The following IRF2 variants were observed in gnomAD, a reference collection of about 807,000 sequenced individuals.
IRF2 encodes interferon regulatory factor 2.
A neutral mutation model predicts 40.6 loss-of-function variants in IRF2; 15 were observed. The observed-to-expected ratio is 0.37, with a 90% CI of 0.25 to 0.57. IRF2 has a LOEUF of 0.57. Among genes scored for constraint, IRF2 ranks in the 20% least tolerant of loss-of-function variants. The pLI, the probability that IRF2 is intolerant of heterozygous loss-of-function variation, is 0.77. For synonymous variants in IRF2, 151 were observed against 165.5 expected (o/e 0.91, Z 0.67); for missense variants, 317 against 455.7 (o/e 0.70, Z 2.77).
intron 1 of IRF2, among the ~76,000 whole-genome samples, chr4:184,437,100 G>A (rs990969664): frequency 4.6e-5 from 7 of 152,194 alleles, no homozygotes; most frequent in African/African-American, 1.7e-4. Flanking sequence ...CTGTCACCCA[G>A]GCTAGAGTAT....
At chr4:184,390,129 G>A (rs972677489) in intron 8 of IRF2, among the ~76,000 whole-genome samples, 1 of 152,040 alleles carries the variant, frequency 6.6e-6, no homozygotes, top group Non-Finnish European at 1.5e-5. Flanking sequence ...TCACTCAAGC[G>A]CAGACCCCCA....
At chr4:184,435,081 T>C (rs1738029080) in intron 1 of IRF2, among the ~76,000 whole-genome samples, 1 of 152,188 alleles carries the variant, frequency 6.6e-6, no homozygotes, top group Non-Finnish European at 1.5e-5. Context: ...TAGGGTTTTC[T>C]ACAAGTTTTG....
chr4:184,458,674 T>C (rs1265219424), intron 1 of IRF2, among the ~76,000 whole-genome samples: 1 of 152,258 alleles, frequency 6.6e-6, no homozygotes, highest in Non-Finnish European at 1.5e-5. Flanking sequence ...ATTATGCATC[T>C]TCTTCCAATT....
At chr4:184,468,625 A>G (rs540813783) in intron 1 of IRF2, among the ~76,000 whole-genome samples, 1 of 152,322 alleles carries the variant, frequency 6.6e-6, no homozygotes, top group East Asian at 1.9e-4. Flanking sequence ...TAAAATGTGG[A>G]AAGAGGTTTC....
chr4:184,458,092 C>T (rs1739009951), intron 1 of IRF2, among the ~76,000 whole-genome samples: 1 of 152,256 alleles, frequency 6.6e-6, no homozygotes, highest in South Asian at 2.1e-4. Flanking sequence ...TGCTCACCCA[C>T]TGGCCACCAG....
intron 7 of IRF2, 86 bp downstream of exon 7, chr4:184,398,829 C>T (rs780501636): frequency 1.5e-5 from 18 of 1,240,160 alleles, no homozygotes; most frequent in Middle Eastern, 2.8e-4. Flanking sequence ...GAGGGATGCT[C>T]CGTGGGGTGG....
intron 1 of IRF2, among the ~76,000 whole-genome samples, chr4:184,464,115 G>A (rs1339842992): frequency 2.6e-5 from 4 of 152,152 alleles, no homozygotes; most frequent in African/African-American, 9.7e-5. Flanking sequence ...GATAGACAAT[G>A]TACAGCATAT....
chr4:184,470,007 C>A (rs1378936551), intron 1 of IRF2, among the ~76,000 whole-genome samples: 1 of 152,124 alleles, frequency 6.6e-6, no homozygotes, highest in Non-Finnish European at 1.5e-5. Context: ...ATGGAACTTC[C>A]TCACCCACTT....
At chr4:184,442,717 T>C (rs1025606745) in intron 1 of IRF2, among the ~76,000 whole-genome samples, 6 of 151,900 alleles carry the variant, frequency 3.9e-5, no homozygotes, top group African/African-American at 1.5e-4. Context: ...CCGTTTTGCT[T>C]CCCACTCTAA....
chr4:184,430,195 T>A (rs1485559162), intron 1 of IRF2, among the ~76,000 whole-genome samples: 1 of 152,060 alleles, frequency 6.6e-6, no homozygotes, highest in Non-Finnish European at 1.5e-5. Context: ...TCTCCTCTAT[T>A]CCCTGCGCCC....
rs1023392402 is a variant in IRF2, at chr4:184,463,536, A to C, written c.-7+10843T>G. 2.0e-5 allele frequency among the ~76,000 whole-genome samples: 3 copies of C among 152,360 alleles called. No homozygotes were observed. In the East Asian group the frequency reaches 5.8e-4, roughly 29 times the overall value. ...TTTTAGATAAAATTAGTTAAATGAG[A>C]TATATTATTACAATTAATTTTACCT... On this transcript the variant is annotated intron_variant, in intron 1 of 8. Coordinates refer to ENST00000393593, the MANE Select transcript of IRF2 (RefSeq NM_002199.4).
rs1423268329 is a variant in IRF2 at position 184,408,853 on chromosome 4, C to T, written c.412-578G>A. On this transcript the variant is annotated intron_variant, in intron 5 of 8. Coordinates refer to ENST00000393593, the MANE Select transcript of IRF2 (RefSeq NM_002199.4). The surrounding 1 kb of genome is among the most constrained non-coding windows in gnomAD (Gnocchi z 4.9). ...GCTGATCACCCTGGCCTGAGTCCAG[C>T]CGGGCAACCCCACACCATGGGCTTT... Among the ~76,000 whole-genome samples, 2 of 152,232 alleles carry T rather than the reference C, an allele frequency of 1.3e-5. No homozygotes were observed. The highest frequency in any genetic ancestry group is 1.3e-4 in the Admixed American group (2 of 15,286).
At chr4:184,392,608 TG>T (rs1480272296) in intron 7 of IRF2, among the ~76,000 whole-genome samples, 1 of 152,222 alleles carries the variant, frequency 6.6e-6, no homozygotes, top group African/African-American at 2.4e-5. Context: ...GTGGCAGAGC[TG>T]GGATGAGATG....
At chr4:184,461,086 G>A (rs781031359) in intron 1 of IRF2, among the ~76,000 whole-genome samples, 49 of 152,178 alleles carry the variant, frequency 3.2e-4, no homozygotes, top group Admixed American at 5.2e-4. Flanking sequence ...GGGGGCAGGA[G>A]TACTGATTCT....
intron 2 of IRF2, among the ~76,000 whole-genome samples, chr4:184,422,249 C>A (rs1050772167): frequency 2.0e-5 from 3 of 152,098 alleles, no homozygotes; most frequent in Non-Finnish European, 4.4e-5. Context: ...CAGACTAACC[C>A]ACAGACATGT....
intron 1 of IRF2, among the ~76,000 whole-genome samples, chr4:184,469,254 C>T (rs1386882284): frequency 2.0e-5 from 3 of 152,164 alleles, no homozygotes; most frequent in Admixed American, 1.3e-4. Flanking sequence ...ACGGAGCCGG[C>T]CAGCCTGTCC....
chr4:184,441,278 TGTTA>T (rs1488698487), intron 1 of IRF2, among the ~76,000 whole-genome samples: 2 of 152,190 alleles, frequency 1.3e-5, no homozygotes, highest in Non-Finnish European at 2.9e-5. Flanking sequence ...ACTATTAACT[TGTTA>T]TTTATCAGGG....
At position 184,448,355 on chromosome 4, in the gene IRF2, A is replaced by G. The variant is rs368599155; in HGVS notation, c.-6-19285T>C. ...TCAATCACTTTATCTATCCATCCATAAGGGGCAGCTTAATCAAGCAACAAT... is the reference window on the plus strand; with the variant it reads ...TCAATCACTTTATCTATCCATCCATGAGGGGCAGCTTAATCAAGCAACAAT... On this transcript the variant is annotated intron_variant, in intron 1 of 8. Transcript: ENST00000393593. The surrounding 1 kb of genome is among the most constrained non-coding windows in gnomAD (Gnocchi z 4.3). Among the ~76,000 whole-genome samples the G allele has an allele frequency of 1.3e-5, 2 of 152,172 alleles. No homozygotes were observed. Among genetic ancestry groups the G allele is most frequent in the African/African-American group, 4.8e-5 (2 of 41,438 alleles).
Position 184,413,003 on chromosome 4 carries a change from G to A in IRF2, c.412-4728C>T, listed in dbSNP as rs1737131358. ...ACTTCAAAGGCAGCATGTCCAAAGCGAAACACCCTCTCCACAAAACGACCT... is the reference window on the plus strand; with the variant it reads ...ACTTCAAAGGCAGCATGTCCAAAGCAAAACACCCTCTCCACAAAACGACCT... On this transcript the variant is annotated intron_variant, in intron 5 of 8. Transcript: ENST00000393593. This position sits in a 1 kb window ranked among gnomAD's most constrained non-coding sequence, Gnocchi z 4.2. Among the ~76,000 whole-genome samples, 1 of 152,050 alleles carries A rather than the reference G, an allele frequency of 6.6e-6. No homozygotes were observed. Among genetic ancestry groups the A allele is most frequent in the East Asian group, 1.9e-4 (1 of 5,174 alleles).
Sources: allele counts gnomAD v4.1 joint callset (sites outside exome capture counted in the v4.1 genomes callset), GRCh38; gene constraint gnomAD v4.1.1; non-coding constraint Gnocchi (gnomAD v3.1); transcripts MANE v1.5; gene names NCBI Gene and HGNC (gene_info 2026-07-23, HGNC 2026-07-21).